Variants in AKAP9 observed in about 807,000 individuals in gnomAD.
AKAP9 encodes the protein A-kinase anchor protein 9.
A neutral mutation model predicts 488.5 loss-of-function variants in AKAP9; 311 were observed. That is an observed-to-expected ratio of 0.64 (90% CI 0.58 to 0.70). The LOEUF (loss-of-function observed/expected upper bound fraction) is 0.70, where lower values mean the gene tolerates loss of function less well. Among genes scored for constraint, AKAP9 ranks in the 30% least tolerant of loss-of-function variants. The probability of loss-of-function intolerance (pLI) is 0.00; values close to 1 mark genes in which losing one functional copy is unlikely to be tolerated. For synonymous variants in AKAP9, 1,462 were observed against 1,483.5 expected, an observed-to-expected ratio of 0.99 and a Z score of 0.33; for missense variants, 4,215 against 4,374.5, an observed-to-expected ratio of 0.96 and a Z score of 1.03.
At chr7:92,069,918 G>C in intron 26 of AKAP9, 112 bp from the exon 27 acceptor site, 1 of 975,384 alleles carries the variant, frequency 1.0e-6, no homozygotes, top group East Asian at 2.5e-5. Flanking sequence ...AAACGTTTCA[G>C]ATTTTGGAGC....
intron 1 of AKAP9, among the ~76,000 whole-genome samples, chr7:91,948,480 T>G (rs903717445): frequency 3.9e-5 from 6 of 152,092 alleles, no homozygotes; most frequent in African/African-American, 1.4e-4. Context: ...TGTTTTTTTG[T>G]TTTTTTAATA....
At chr7:92,081,130 A>G (rs1813475625) in intron 31 of AKAP9, among the ~76,000 whole-genome samples, 1 of 152,138 alleles carries the variant, frequency 6.6e-6, no homozygotes, top group African/African-American at 2.4e-5. Flanking sequence ...TCTAGGATTT[A>G]TGGGGATTTT....
chr7:92,074,112 A>G (rs1812168524), intron 28 of AKAP9, among the ~76,000 whole-genome samples: 1 of 152,156 alleles, frequency 6.6e-6, no homozygotes, highest in South Asian at 2.1e-4. Context: ...AATTTTTGCA[A>G]TCTATCCATC....
chr7:92,089,180 A>G (rs1285840131), intron 37 of AKAP9, among the ~76,000 whole-genome samples: 1 of 152,216 alleles, frequency 6.6e-6, no homozygotes, highest in East Asian at 1.9e-4. Flanking sequence ...TCTTGTTTTA[A>G]GGAAATACAC....
intron 22 of AKAP9, among the ~76,000 whole-genome samples, chr7:92,058,674 CT>C (rs1422165506): frequency 1.3e-5 from 2 of 151,856 alleles, no homozygotes; most frequent in African/African-American, 4.8e-5. Context: ...AAGATTCTTG[CT>C]TTTGTATGTT....
At chr7:91,965,196 T>C (rs6942649) in intron 1 of AKAP9, among the ~76,000 whole-genome samples, 62,889 of 152,010 alleles carry the variant, frequency 0.41, 13,462 homozygotes, top group African/African-American at 0.51. Context: ...CTTCTCCACC[T>C]TCCTACTCTT....
At position 92,045,045 on chromosome 7, in the gene AKAP9, A is replaced by AT; in HGVS notation, c.5201dup (p.Leu1735ProfsTer12). On this transcript the variant is annotated frameshift_variant, in exon 21 of 50. Transcript: ENST00000356239. LOFTEE classifies it high-confidence loss of function. ...GAAAGCTAATAATAGACTTTTGAAG[A>AT]TCCTCTTAGAAGTTGTAAAGACAAC... 6.2e-7 allele frequency: 1 copy of AT among 1,613,658 alleles called. No homozygotes were observed. Among genetic ancestry groups the AT allele is most frequent in the Non-Finnish European group, 8.5e-7 (1 of 1,179,682 alleles).
At chr7:92,050,063 CTTT>C (rs35146687) in intron 21 of AKAP9, among the ~76,000 whole-genome samples, 6 of 129,722 alleles carry the variant, frequency 4.6e-5, no homozygotes, top group Non-Finnish European at 5.0e-5. Context: ...TTTCAGCAAA[CTTT>C]TTTTTTTTTT....
intron 21 of AKAP9, among the ~76,000 whole-genome samples, chr7:92,046,850 C>T (rs1053546596): frequency 6.6e-6 from 1 of 152,094 alleles, no homozygotes; most frequent in Non-Finnish European, 1.5e-5. Flanking sequence ...CTGGTAAGAC[C>T]TAGACCAGGT....
At chr7:91,974,796 G>A (rs541404629) in intron 2 of AKAP9, among the ~76,000 whole-genome samples, 13 of 151,824 alleles carry the variant, frequency 8.6e-5, no homozygotes, top group Non-Finnish European at 1.3e-4. Context: ...CAGTGTAAAC[G>A]TCTCACATTT....
At chr7:92,013,554 G>A (rs1801087337) in intron 9 of AKAP9, among the ~76,000 whole-genome samples, 1 of 152,192 alleles carries the variant, frequency 6.6e-6, no homozygotes, top group Admixed American at 6.5e-5. Context: ...ACTGCGGTGA[G>A]TTGGGGGAGG....
At chr7:92,058,944 A>C (rs1434973628) in intron 22 of AKAP9, among the ~76,000 whole-genome samples, 1 of 151,972 alleles carries the variant, frequency 6.6e-6, no homozygotes, top group African/African-American at 2.4e-5. Context: ...TCTGCTTTTT[A>C]TATGAAATAT....
rs56394853 is a variant in AKAP9 at position 92,018,395 on chromosome 7, AACACAC to A, written c.3837+1335_3837+1340del. 9.3e-3 allele frequency among the ~76,000 whole-genome samples: 1,126 copies of A among 120,668 alleles called. 7 individuals are homozygous for A. The highest frequency in any genetic ancestry group is 0.024 in the East Asian group (101 of 4,124). The allele number at this position is 120,668 out of a possible 152,430, so 79.2% of individuals were successfully genotyped here. ...CTCAAGACCTCATTTCTAAAAATAT[AACACAC>A]ACACACACACACACACACACACACA... On this transcript the variant is annotated intron_variant, in intron 12 of 49. Transcript: ENST00000356239.
intron 26 of AKAP9, among the ~76,000 whole-genome samples, chr7:92,069,345 G>A (rs553192376): frequency 6.6e-6 from 1 of 152,036 alleles, no homozygotes; most frequent in Non-Finnish European, 1.5e-5. Context: ...CCTCTTCCTA[G>A]GTGGAGAAAG....
intron 12 of AKAP9, among the ~76,000 whole-genome samples, chr7:92,017,476 A>G (rs1395078910): frequency 2.6e-5 from 4 of 152,142 alleles, no homozygotes; most frequent in African/African-American, 9.6e-5. Flanking sequence ...TTCACACAGC[A>G]TTATACATGT....
In AKAP9 at chr7:92,095,026, G is replaced by A. The variant is rs769503787; in HGVS notation, c.9582G>A (p.Leu3194=). Residue 3194 remains leucine (L), a synonymous_variant, in exon 40 of 50, where the codon TTG becomes TTA. Coordinates refer to ENST00000356239, the MANE Select transcript of AKAP9 (RefSeq NM_005751.5). ...KHLKELEAFR[L]EVKDKTDEVH... ...TTCATTTGTCTTTCTGACTTAGGTTGGAAGTTAAAGATAAGACAGATGAAG... is the reference window on the plus strand; with the variant it reads ...TTCATTTGTCTTTCTGACTTAGGTTAGAAGTTAAAGATAAGACAGATGAAG... 3.1e-6 allele frequency: 5 copies of A among 1,613,778 alleles called. No homozygotes were observed. Among genetic ancestry groups the A allele is most frequent in the East Asian group, 2.2e-5 (1 of 44,862 alleles).
intron 5 of AKAP9, among the ~76,000 whole-genome samples, chr7:91,993,926 T>G (rs1562948734): frequency 6.6e-6 from 1 of 152,182 alleles, no homozygotes; most frequent in African/African-American, 2.4e-5. Flanking sequence ...TCTGGTAGTT[T>G]GAGACTGGCA....
chr7:92,020,920 C>T (rs1802231193), intron 12 of AKAP9, among the ~76,000 whole-genome samples: 1 of 152,188 alleles, frequency 6.6e-6, no homozygotes, highest in Admixed American at 6.5e-5. Flanking sequence ...TTTTGCTCAG[C>T]TGCTTCTACA....
At chr7:91,964,085 A>G (rs1211756223) in intron 1 of AKAP9, among the ~76,000 whole-genome samples, 1 of 152,204 alleles carries the variant, frequency 6.6e-6, no homozygotes, top group Non-Finnish European at 1.5e-5. Context: ...CTATTGCATA[A>G]CAAAAGGAAA....
Sources: allele counts gnomAD v4.1 joint callset (sites outside exome capture counted in the v4.1 genomes callset), GRCh38; gene constraint gnomAD v4.1.1; transcripts MANE v1.5; gene names NCBI Gene and HGNC (gene_info 2026-07-23, HGNC 2026-07-21).